The following TPM1 variants were observed in gnomAD, a reference collection of about 807,000 sequenced individuals.
TPM1 encodes tropomyosin alpha-1 chain.
In TPM1, 24 loss-of-function variants were observed where a neutral mutation model predicts 42.9. The ratio of observed to expected loss-of-function variants is 0.56; its 90% confidence interval spans 0.41 to 0.79. The LOEUF (loss-of-function observed/expected upper bound fraction) is 0.79, where lower values mean the gene tolerates loss of function less well. Among genes scored for constraint, TPM1 ranks in the 30% least tolerant of loss-of-function variants. The pLI, the probability that TPM1 is intolerant of heterozygous loss-of-function variation, is 0.00. For missense variants in TPM1, 158 were observed against 351.8 expected, an observed-to-expected ratio of 0.45 and a Z score of 4.41; for synonymous variants, 136 against 130.1, an observed-to-expected ratio of 1.05 and a Z score of -0.31.
At chr15:63,063,738 C>G in intron 8 of TPM1, 1 of 281,616 alleles carries the variant, frequency 3.6e-6, no homozygotes, top group Admixed American at 4.8e-5. Flanking sequence ...GCCCCTGCCT[C>G]CCCTCACCAG....
intron 8 of TPM1, chr15:63,063,271 A>C: frequency 1.0e-6 from 1 of 985,420 alleles, no homozygotes; most frequent in Non-Finnish European, 1.2e-6. Flanking sequence ...AAAGACAAAT[A>C]TCTACATCAC....
chr15:63,053,913 C>T (rs1316656481), intron 2 of TPM1, among the ~76,000 whole-genome samples: 1 of 151,852 alleles, frequency 6.6e-6, no homozygotes, highest in Non-Finnish European at 1.5e-5. Flanking sequence ...AACTCCTGAC[C>T]TCATGATTGC....
chr15:63,062,673 T>A, intron 8 of TPM1, 28 bp downstream of exon 8: 1 of 1,614,244 alleles, frequency 6.2e-7, no homozygotes, highest in Non-Finnish European at 8.5e-7. Flanking sequence ...GTTTTTAGTT[T>A]AATCCTTATG....
At chr15:63,061,830 A>T (rs1418043007) in intron 6 of TPM1, 42 bp downstream of exon 6, 1 of 1,575,332 alleles carries the variant, frequency 6.3e-7, no homozygotes, top group South Asian at 1.1e-5. Flanking sequence ...ATCTTTTAAG[A>T]GCTGCTCAAA....
intron 9 of TPM1, chr15:63,065,684 C>G: frequency 2.1e-6 from 2 of 975,244 alleles, no homozygotes; most frequent in Non-Finnish European, 2.4e-6. Context: ...CATGGGTCTT[C>G]TTAAAATGGA....
intron 2 of TPM1, among the ~76,000 whole-genome samples, chr15:63,055,279 A>G (rs1384704765): frequency 6.6e-6 from 1 of 152,126 alleles, no homozygotes; most frequent in African/African-American, 2.4e-5. Flanking sequence ...CAATTACTAC[A>G]TTTTTGTCAA....
At position 63,065,896 on chromosome 15, in the gene TPM1, A is replaced by G. The variant is rs759481997; in HGVS notation, c.852A>G (p.Ile284Met). 4.4e-6 allele frequency: 7 copies of G among 1,603,046 alleles called. No homozygotes were observed. In the Admixed American group the frequency reaches 6.8e-5, roughly 16 times the overall value. Residue 284 changes from isoleucine to methionine, a missense_variant and splice_region_variant, in exon 10 of 10, where the codon ATA (isoleucine) becomes ATG (methionine). By Grantham distance (10) the Ile-to-Met change is conservative. Transcript: ENST00000403994. ...LDHALNDMTS[I>M] ...CTCCCACCTTTTTATCTTCACGCAG[A>G]TAAGTTTCTTTGCTTCACTTCTCCC...
chr15:63,051,482 A>G (rs1566948992), intron 2 of TPM1, among the ~76,000 whole-genome samples: 1 of 151,594 alleles, frequency 6.6e-6, no homozygotes, highest in Non-Finnish European at 1.5e-5. Context: ...TTTGGCACAC[A>G]CAGGAGGTTG....
downstream of TPM1, chr15:63,070,306 A>ATGTG (rs1555411994): frequency 9.2e-4 from 620 of 673,850 alleles, 1 homozygote; most frequent in East Asian, 9.1e-3. Flanking sequence ...ATATATATAT[A>ATGTG]TGTGTGTGTG....
At chr15:63,056,423 T>G in intron 2 of TPM1, 1 of 164,646 alleles carries the variant, frequency 6.1e-6, no homozygotes. Flanking sequence ...TCCCAGCACT[T>G]TGAGAGGCCA....
chr15:63,064,075 G>T lies in TPM1; in HGVS notation c.784G>T (p.Ala262Ser), dbSNP rs758506771. ...SIDDLEDELY[A>S]QKLKYKAISE... is the part of the protein sequence containing the mutation. Reference sequence around the variant, plus strand: ...CTTCCTGGTCATAGACGAGCTGTACGCTCAGAAACTGAAGTACAAAGCCAT... The same window carrying T: ...CTTCCTGGTCATAGACGAGCTGTACTCTCAGAAACTGAAGTACAAAGCCAT... Residue 262 changes from alanine (A) to serine (S), a missense_variant, in exon 9 of 10, where the codon GCT (alanine) becomes TCT (serine). Ala to Ser is a moderately conservative substitution (Grantham distance 99). Around this residue, in one of 4 missense-constraint regions of TPM1, gnomAD observed 64 missense variants for 95.8 expected, o/e 0.67. Coordinates refer to ENST00000403994, the MANE Select transcript of TPM1 (RefSeq NM_001018005.2). 2 of 1,613,960 alleles carry T rather than the reference G, an allele frequency of 1.2e-6. No homozygotes were observed. Among genetic ancestry groups the T allele is most frequent in the African/African-American group, 1.3e-5 (1 of 75,018 alleles).
chr15:63,048,884 TCTC>T (rs1172723623), intron 2 of TPM1: 2 of 782,458 alleles, frequency 2.6e-6, no homozygotes, highest in Non-Finnish European at 2.1e-6. Context: ...CCCGGCCTGT[TCTC>T]CTGAGCCTTT....
In TPM1 at chr15:63,061,606, C is replaced by A; in HGVS notation, c.564-107C>A. The A allele has an allele frequency of 2.7e-6, 3 of 1,099,048 alleles. No individual in the cohort carries two copies. In the South Asian group the frequency reaches 3.7e-5, roughly 14 times the overall value. The allele number at this position is 1,099,048 out of a possible 1,614,324, so 68.1% of individuals were successfully genotyped here. A position where few individuals can be genotyped will look rare whatever the true frequency, so the allele number is the denominator to read the frequency against. On this transcript the variant is annotated intron_variant, in intron 5 of 9. Coordinates refer to ENST00000403994, the MANE Select transcript of TPM1 (RefSeq NM_001018005.2). ...ATGATTTGGCTACTTTAAGGCAGCC[C>A]TTCGTCTCTAGGACTCAGTTTTCAT...
At chr15:63,043,974 C>T in intron 1 of TPM1, 53 bp from the exon 2 acceptor site, 1 of 1,591,982 alleles carries the variant, frequency 6.3e-7, no homozygotes, top group Admixed American at 1.8e-5. Context: ...CCTTCGGGAT[C>T]ACGCTGCCTG....
At chr15:63,068,406 A>G (rs2036403988), downstream of TPM1, among the ~76,000 whole-genome samples, 1 of 152,234 alleles carries the variant, frequency 6.6e-6, no homozygotes, top group African/African-American at 2.4e-5. Flanking sequence ...GTGGATGAGC[A>G]AAGAGGACAG....
chr15:63,069,914 G>C, downstream of TPM1: 2 of 1,614,100 alleles, frequency 1.2e-6, no homozygotes, highest in Non-Finnish European at 8.5e-7. Context: ...CCTCACTAAT[G>C]AACTAAAGCT....
downstream of TPM1, among the ~76,000 whole-genome samples, chr15:63,069,605 C>T (rs1350762726): frequency 6.6e-6 from 1 of 152,182 alleles, no homozygotes; most frequent in Non-Finnish European, 1.5e-5. Flanking sequence ...TCTTCTTCCT[C>T]CTCTTATCCT....
rs868733139 is a variant in TPM1 at position 63,043,567 on chromosome 15, A to T, written c.115-460A>T. 32 of 1,346,182 alleles carry T rather than the reference A, an allele frequency of 2.4e-5. No individual in the cohort carries two copies. In the Middle Eastern group the frequency reaches 2.8e-3, roughly 118 times the overall value. 83.4% of individuals were successfully genotyped at this position (1,346,182 alleles called of 1,614,324 possible). ...GCGGTTCCAGCTCGGGTAAAGAGGAAGTTACCTCGGGTCCTTTGCACTCCA... is the reference window on the plus strand; with the variant it reads ...GCGGTTCCAGCTCGGGTAAAGAGGATGTTACCTCGGGTCCTTTGCACTCCA... On this transcript the variant is annotated intron_variant, in intron 1 of 9. Transcript: ENST00000403994.
Position 63,061,251 on chromosome 15 carries a change from C to T in TPM1, c.563+312C>T, listed in dbSNP as rs747001359. ...AGAATAATGGATCAGACCTTGAAAG[C>T]ATTAATGGCTGCAGAGGATAAGGTA... On this transcript the variant is annotated intron_variant, in intron 5 of 9. Transcript: ENST00000403994. The T allele has an allele frequency of 9.9e-6, 16 of 1,614,082 alleles. No homozygotes were observed. In the South Asian group the frequency reaches 1.8e-4, roughly 18 times the overall value.
Sources: allele counts gnomAD v4.1 joint callset (sites outside exome capture counted in the v4.1 genomes callset), GRCh38; gene constraint gnomAD v4.1.1; regional missense constraint gnomAD v4.1.1; transcripts MANE v1.5; gene names NCBI Gene and HGNC (gene_info 2026-07-23, HGNC 2026-07-21).